The following TMEM132E variants were observed in gnomAD, a reference collection of about 807,000 sequenced individuals.
The protein encoded by TMEM132E is transmembrane protein 132E.
In TMEM132E, 49 loss-of-function variants were observed where a neutral mutation model predicts 78.5. That is an observed-to-expected ratio of 0.62 (90% CI 0.50 to 0.79). The LOEUF (loss-of-function observed/expected upper bound fraction) is 0.79. Among genes scored for constraint, TMEM132E ranks in the 30% least tolerant of loss-of-function variants. TMEM132E has a pLI of 0.00. For synonymous variants in TMEM132E, 715 were observed against 670.6 expected (o/e 1.07, Z -1.02); for missense variants, 1,403 against 1,470.9 (o/e 0.95, Z 0.75).
chr17:34,622,931 G>T (rs1164068821), intron 1 of TMEM132E, among the ~76,000 whole-genome samples: 1 of 152,190 alleles, frequency 6.6e-6, no homozygotes, highest in South Asian at 2.1e-4. Flanking sequence ...GGCTGGGGGA[G>T]AGACAGCGCT....
In TMEM132E at chr17:34,579,744, C is replaced by T. The variant is rs1425362409; in HGVS notation, c.-1333C>T. 6.6e-6 allele frequency: 1 copy of T among 152,520 alleles called. No individual in the cohort carries two copies. Among genetic ancestry groups the T allele is most frequent in the Admixed American group, 6.5e-5 (1 of 15,298 alleles). 9.4% of individuals were successfully genotyped at this position (152,520 alleles called of 1,614,324 possible). A position where few individuals can be genotyped will look rare whatever the true frequency, so the allele number is the denominator to read the frequency against. ...CATGGGGAGCCGGCTCCCCTGCCAG[C>T]ACCTCCTCTCCTCTCGGCCCCGTAG... is the stretch of plus-strand genomic sequence containing the variant. On this transcript the variant is annotated 5_prime_UTR_variant, in exon 1 of 9. Coordinates refer to ENST00000631683, the MANE Select transcript of TMEM132E (RefSeq NM_001304438.2).
Position 34,608,237 on chromosome 17 carries a change from G to T in TMEM132E, c.68-17890G>T, listed in dbSNP as rs1906479011. 3.3e-5 allele frequency among the ~76,000 whole-genome samples: 5 copies of T among 152,334 alleles called. No homozygotes were observed. In the South Asian group the frequency reaches 1.0e-3, roughly 32 times the overall value. On this transcript the variant is annotated intron_variant, in intron 1 of 8. Coordinates refer to ENST00000631683, the MANE Select transcript of TMEM132E (RefSeq NM_001304438.2). ...ATTCTGAGGGTTTTAGGAGCTCTGT[G>T]TCAGGAACAGGGATGAAAACCAAAT...
At chr17:34,614,835 C>G (rs926158181) in intron 1 of TMEM132E, 5 of 152,516 alleles carry the variant, frequency 3.3e-5, no homozygotes, top group African/African-American at 1.2e-4. Flanking sequence ...TGAACTACTC[C>G]TTCTCACCCT....
chr17:34,636,271 C>A, intron 8 of TMEM132E, 73 bp downstream of exon 8: 2 of 1,333,494 alleles, frequency 1.5e-6, no homozygotes, highest in Non-Finnish European at 9.8e-7. Flanking sequence ...CTGCTTTGCC[C>A]TAGCACCAAG....
chr17:34,614,239 C>T (rs540051389), intron 1 of TMEM132E, among the ~76,000 whole-genome samples: 2 of 152,260 alleles, frequency 1.3e-5, no homozygotes, highest in East Asian at 3.9e-4. Flanking sequence ...GCTGCACAGC[C>T]GCTGGCCAAC....
chr17:34,633,342 C>T (rs1907413693), intron 6 of TMEM132E, among the ~76,000 whole-genome samples: 2 of 152,234 alleles, frequency 1.3e-5, no homozygotes, highest in African/African-American at 2.4e-5. Context: ...AAGAGACTGC[C>T]TGCAGTCAGG....
chr17:34,600,786 G>A (rs964268341), intron 1 of TMEM132E, among the ~76,000 whole-genome samples: 11 of 152,282 alleles, frequency 7.2e-5, no homozygotes, highest in African/African-American at 2.6e-4. Context: ...GCCTTTCCGA[G>A]GTGTGCAAGA....
At chr17:34,594,003 C>G (rs564207950) in intron 1 of TMEM132E, among the ~76,000 whole-genome samples, 1 of 152,164 alleles carries the variant, frequency 6.6e-6, no homozygotes, top group Non-Finnish European at 1.5e-5. Context: ...ACACGATTCC[C>G]GCCTCTTACC....
chr17:34,613,211 A>ACACACCCGCG, intron 1 of TMEM132E, among the ~76,000 whole-genome samples: 1 of 115,978 alleles, frequency 8.6e-6, no homozygotes, highest in Non-Finnish European at 1.8e-5. Flanking sequence ...ACACACACAC[A>ACACACCCGCG]CGCGCGCGCG....
chr17:34,599,248 A>T (rs1331849919), intron 1 of TMEM132E, among the ~76,000 whole-genome samples: 1 of 152,226 alleles, frequency 6.6e-6, no homozygotes, highest in Non-Finnish European at 1.5e-5. Flanking sequence ...AGCATGGAAG[A>T]TGAATGACTC....
intron 1 of TMEM132E, among the ~76,000 whole-genome samples, chr17:34,587,933 C>T (rs1048443187): frequency 1.3e-5 from 2 of 152,174 alleles, no homozygotes; most frequent in Admixed American, 6.5e-5. Context: ...ACCCTGCCTT[C>T]GGAGGTCTTC....
intron 1 of TMEM132E, among the ~76,000 whole-genome samples, chr17:34,606,728 G>A (rs921721820): frequency 6.6e-6 from 1 of 152,204 alleles, no homozygotes; most frequent in Non-Finnish European, 1.5e-5. Flanking sequence ...CTGGGGCAGT[G>A]ATGTGCCATT....
At chr17:34,598,981 C>T (rs949752058) in intron 1 of TMEM132E, among the ~76,000 whole-genome samples, 1 of 152,252 alleles carries the variant, frequency 6.6e-6, no homozygotes, top group African/African-American at 2.4e-5. Flanking sequence ...TTTACTTACA[C>T]TTCCAGAGCT....
At chr17:34,615,446 G>A (rs1906746169) in intron 1 of TMEM132E, among the ~76,000 whole-genome samples, 1 of 151,950 alleles carries the variant, frequency 6.6e-6, no homozygotes, top group Non-Finnish European at 1.5e-5. Context: ...AGCAAAAGGA[G>A]TGGCCAGTTT....
chr17:34,587,403 A>G (rs1905715788), intron 1 of TMEM132E, among the ~76,000 whole-genome samples: 1 of 152,176 alleles, frequency 6.6e-6, no homozygotes, highest in Admixed American at 6.5e-5. Context: ...GGGAGCACCC[A>G]GTATAACAAG....
At chr17:34,612,287 G>T (rs191020176) in intron 1 of TMEM132E, among the ~76,000 whole-genome samples, 1 of 152,200 alleles carries the variant, frequency 6.6e-6, no homozygotes, top group African/African-American at 2.4e-5. Flanking sequence ...GACTCAAAGC[G>T]CAGAAAGGAA....
chr17:34,629,083 AGCGGAGGATCAT>A lies in TMEM132E; in HGVS notation c.1219_1230del (p.Arg407_Met410del). ...GAGAACTTCACCAGCCAGTCAGTCA[AGCGGAGGATCAT>A]GTGGCACATTGACTACCGTGGCCAC... is the stretch of plus-strand genomic sequence containing the variant. On this transcript the variant is annotated inframe_deletion, in exon 4 of 9. Coordinates refer to ENST00000631683, the MANE Select transcript of TMEM132E (RefSeq NM_001304438.2). The A allele has an allele frequency of 6.2e-7, 1 of 1,609,828 alleles. No homozygotes were observed. The highest frequency in any genetic ancestry group is 8.5e-7 in the Non-Finnish European group (1 of 1,177,304).
intron 3 of TMEM132E, 29 bp downstream of exon 3, chr17:34,628,738 C>T: frequency 6.4e-7 from 1 of 1,552,328 alleles, no homozygotes; most frequent in South Asian, 1.2e-5. Flanking sequence ...ATCTACCCAC[C>T]TCTTCGCAAA....
Position 34,638,296 on chromosome 17 carries a change from C to T in TMEM132E, c.*64C>T. ...GGGGTCAGCTCGGGGTAGGACACAG[C>T]CGGGACCCCGGTTCACACTGACTCT... On this transcript the variant is annotated 3_prime_UTR_variant, in exon 9 of 9. Coordinates refer to ENST00000631683, the MANE Select transcript of TMEM132E (RefSeq NM_001304438.2). 3 of 1,418,022 alleles carry T rather than the reference C, an allele frequency of 2.1e-6. No individual in the cohort carries two copies. The highest frequency in any genetic ancestry group is 1.5e-5 in the South Asian group (1 of 67,914). 87.8% of individuals were successfully genotyped at this position (1,418,022 alleles called of 1,614,324 possible). A position where few individuals can be genotyped will look rare whatever the true frequency, so the allele number is the denominator to read the frequency against.
Sources: gnomAD v4.1 joint callset for allele counts (sites outside exome capture counted in the v4.1 genomes callset) on GRCh38, gnomAD v4.1.1 for gene constraint, MANE v1.5 for transcripts, NCBI Gene and HGNC (gene_info 2026-07-23, HGNC 2026-07-21) for gene names.